The following CFAP61 variants were observed in gnomAD, a reference collection of about 807,000 sequenced individuals.
The protein encoded by CFAP61 is cilia- and flagella-associated protein 61.
In CFAP61, 107 loss-of-function variants were observed where a neutral mutation model predicts 135.6. That is an observed-to-expected ratio of 0.79 (90% confidence interval 0.67 to 0.93). The LOEUF (loss-of-function observed/expected upper bound fraction) is 0.93. Among genes scored for constraint, CFAP61 ranks in the 40% least tolerant of loss-of-function variants. The pLI is 0.00. For missense variants in CFAP61, 1,507 were observed against 1,556.2 expected (o/e 0.97, Z 0.53); for synonymous variants, 575 against 578.5 (o/e 0.99, Z 0.09).
intron 7 of CFAP61, among the ~76,000 whole-genome samples, chr20:20,094,079 A>C (rs905879990): frequency 6.6e-6 from 1 of 152,254 alleles, no homozygotes; most frequent in Non-Finnish European, 1.5e-5. Context: ...TGAGAATGAC[A>C]TGACTTTATA....
chr20:20,341,410 G>A (rs1251751715), intron 25 of CFAP61, among the ~76,000 whole-genome samples: 1 of 152,118 alleles, frequency 6.6e-6, no homozygotes, highest in Non-Finnish European at 1.5e-5. Context: ...CTGTTTTTCT[G>A]GCCATTATTA....
intron 1 of CFAP61, chr20:20,055,962 G>A (rs1458271018): frequency 1.9e-6 from 3 of 1,610,480 alleles, no homozygotes; most frequent in Middle Eastern, 1.7e-4. Flanking sequence ...TTTGTCAACA[G>A]CATTTCCCAA....
At chr20:20,314,843 A>G (rs1366670662) in intron 25 of CFAP61, among the ~76,000 whole-genome samples, 4 of 136,912 alleles carry the variant, frequency 2.9e-5, no homozygotes, top group African/African-American at 1.2e-4. Context: ...AATTTCATCC[A>G]TGTCCCTACA....
chr20:20,257,628 C>CAAAAAAAA (rs79177514), intron 20 of CFAP61, among the ~76,000 whole-genome samples: 1 of 36,818 alleles, frequency 2.7e-5, no homozygotes, highest in Non-Finnish European at 6.2e-5. Flanking sequence ...AACAAAAAAA[C>CAAAAAAAA]AAAAAAAAAA....
At chr20:20,071,110 T>C (rs528400114) in intron 3 of CFAP61, 106 bp downstream of exon 3, 28 of 1,126,180 alleles carry the variant, frequency 2.5e-5, no homozygotes, top group Admixed American at 2.1e-4. Context: ...GTATATGACA[T>C]CATGACAGTT....
chr20:20,068,714 T>C (rs1239370424), intron 2 of CFAP61, among the ~76,000 whole-genome samples: 1 of 152,228 alleles, frequency 6.6e-6, no homozygotes, highest in Admixed American at 6.5e-5. Context: ...GGAAAAATTT[T>C]TTGTTTTAAA....
Position 20,228,394 on chromosome 20 carries a change from ATT to A in CFAP61, c.2060+19_2060+20del. 6.3e-7 allele frequency: 1 copy of A among 1,590,358 alleles called. No homozygotes were observed. The highest frequency in any genetic ancestry group is 1.1e-5 in the South Asian group (1 of 89,490). ...GTATTTTGGTGAGTTGTTTCACTCT[ATT>A]GATTGATTGGTTTTTAAATAATAAA... On this transcript the variant is annotated intron_variant, in intron 18 of 26. Transcript: ENST00000245957.
chr20:20,163,969 A>T, intron 10 of CFAP61, 81 bp from the exon 11 acceptor site: 1 of 1,174,378 alleles, frequency 8.5e-7, no homozygotes, highest in Non-Finnish European at 1.2e-6. Flanking sequence ...GGTGTCATGT[A>T]GAGATAATGC....
chr20:20,225,879 C>T (rs1366376081), intron 17 of CFAP61, among the ~76,000 whole-genome samples: 1 of 152,212 alleles, frequency 6.6e-6, no homozygotes, highest in Admixed American at 6.5e-5. Flanking sequence ...GAGTACAGTA[C>T]ACACTGGCAC....
chr20:20,075,546 A>G lies in CFAP61; in HGVS notation c.497A>G (p.Glu166Gly), dbSNP rs1248152722. Residue 166 changes from glutamate (E) to glycine (G), a missense_variant, in exon 6 of 27, where the codon GAG becomes GGG. By Grantham distance (98) the Glu-to-Gly change is moderately conservative. Transcript: ENST00000245957. ...QVGNIPCLTY[E>G]EDFAVHICHR... ...GGGAACATCCCGTGTCTGACGTATGAGGAAGACTTTGCAGTGCATATATGT... is the reference window on the plus strand; with the variant it reads ...GGGAACATCCCGTGTCTGACGTATGGGGAAGACTTTGCAGTGCATATATGT... 1 of 1,613,956 alleles carries G rather than the reference A, an allele frequency of 6.2e-7. No individual in the cohort carries two copies. Among genetic ancestry groups the G allele is most frequent in the African/African-American group, 1.3e-5 (1 of 74,922 alleles).
At chr20:20,137,562 C>G (rs1359694225) in intron 8 of CFAP61, among the ~76,000 whole-genome samples, 1 of 152,200 alleles carries the variant, frequency 6.6e-6, no homozygotes, top group African/African-American at 2.4e-5. Flanking sequence ...TACCAGGGTA[C>G]TACTGATGTT....
intron 14 of CFAP61, among the ~76,000 whole-genome samples, chr20:20,188,426 C>T (rs2055669314): frequency 6.6e-6 from 1 of 152,156 alleles, no homozygotes; most frequent in South Asian, 2.1e-4. Flanking sequence ...CTGGTGCCCA[C>T]CTCAGCAGCA....
At chr20:20,154,685 AC>A (rs1175556770) in intron 9 of CFAP61, among the ~76,000 whole-genome samples, 3 of 152,072 alleles carry the variant, frequency 2.0e-5, no homozygotes, top group East Asian at 3.9e-4. Flanking sequence ...CCTTAAAAAA[AC>A]AAACAAAAAA....
At position 20,277,327 on chromosome 20, in the gene CFAP61, G is replaced by A. The variant is rs2147042361; in HGVS notation, c.2665G>A (p.Ala889Thr). The A allele has an allele frequency of 2.5e-6, 4 of 1,614,130 alleles. No homozygotes were observed. Among genetic ancestry groups the A allele is most frequent in the Non-Finnish European group, 3.4e-6 (4 of 1,180,026 alleles). Residue 889 changes from alanine to threonine, a missense_variant, in exon 22 of 27, where the codon GCG (alanine) becomes ACG (threonine). Physicochemically the swap from Ala to Thr is moderately conservative, Grantham distance 58. Coordinates refer to ENST00000245957, the MANE Select transcript of CFAP61 (RefSeq NM_015585.4). The stretch of plus-strand genomic sequence containing the variant: ...CTCGGTGGAGAGCGCCGTGGCGGAC[G>A]CGCTAGGAGCCGCCGGAGTCACTAT... ...NYSVESAVAD[A>T]LGAAGVTMYR... is the part of the protein sequence containing the mutation.
chr20:20,340,441 C>A (rs1039246775), intron 25 of CFAP61, among the ~76,000 whole-genome samples: 1 of 151,960 alleles, frequency 6.6e-6, no homozygotes, highest in Non-Finnish European at 1.5e-5. Flanking sequence ...GCTGTGGGAA[C>A]CTGGGTGTTT....
At chr20:20,350,444 C>T (rs6112873) in intron 26 of CFAP61, among the ~76,000 whole-genome samples, 6 of 152,204 alleles carry the variant, frequency 3.9e-5, no homozygotes, top group South Asian at 2.1e-4. Flanking sequence ...GCCTGGCCAA[C>T]GTGGTGAAAC....
At chr20:20,066,942 T>A (rs2045317061) in intron 2 of CFAP61, among the ~76,000 whole-genome samples, 1 of 152,202 alleles carries the variant, frequency 6.6e-6, no homozygotes, top group African/African-American at 2.4e-5. Flanking sequence ...TGTGATGATG[T>A]AAACATTGAC....
chr20:20,184,422 G>A (rs993521315), intron 13 of CFAP61: 5 of 152,132 alleles, frequency 3.3e-5, no homozygotes, highest in African/African-American at 1.2e-4. Context: ...TCTAGTGGGA[G>A]GAGACAAACA....
chr20:20,168,628 A>T (rs1453753124), intron 12 of CFAP61, among the ~76,000 whole-genome samples: 3 of 152,228 alleles, frequency 2.0e-5, no homozygotes, highest in African/African-American at 7.2e-5. Flanking sequence ...AATTTAAATG[A>T]ATTTAAATGA....
Sources: allele counts gnomAD v4.1 joint callset (sites outside exome capture counted in the v4.1 genomes callset), GRCh38; gene constraint gnomAD v4.1.1; transcripts MANE v1.5; gene names NCBI Gene and HGNC (gene_info 2026-07-23, HGNC 2026-07-21).